Variants in KHDRBS2 observed in about 807,000 individuals in gnomAD.
The protein encoded by KHDRBS2 is KH RNA binding domain containing, signal transduction associated 2.
A neutral mutation model predicts 44.3 loss-of-function variants in KHDRBS2; 26 were observed. The observed-to-expected ratio is 0.59, with a 90% confidence interval of 0.43 to 0.81. The LOEUF (loss-of-function observed/expected upper bound fraction) is 0.81, where lower values mean the gene tolerates loss of function less well. Among genes scored for constraint, KHDRBS2 ranks in the 40% least tolerant of loss-of-function variants. The probability of loss-of-function intolerance (pLI) is 0.00; values close to 1 mark genes in which losing one functional copy is unlikely to be tolerated. For missense variants in KHDRBS2, 476 were observed against 433.1 expected (o/e 1.10, Z -0.88); for synonymous variants, 194 against 151.1 (o/e 1.28, Z -2.08).
At chr6:61,804,040 G>T (rs1441638050) in intron 6 of KHDRBS2, among the ~76,000 whole-genome samples, 1 of 151,778 alleles carries the variant, frequency 6.6e-6, no homozygotes, top group African/African-American at 2.4e-5. Context: ...CTTCCCAATA[G>T]CCCCCCAAAG....
intron 1 of KHDRBS2, among the ~76,000 whole-genome samples, chr6:62,180,671 T>A (rs1822083509): frequency 6.6e-6 from 1 of 151,708 alleles, no homozygotes; most frequent in African/African-American, 2.4e-5. Flanking sequence ...ATGACATTTT[T>A]TACAAAAATA....
intron 1 of KHDRBS2, among the ~76,000 whole-genome samples, chr6:62,198,721 C>T (rs770485745): frequency 3.4e-4 from 52 of 152,298 alleles, no homozygotes; most frequent in Non-Finnish European, 6.9e-4. Flanking sequence ...AGGGAATCCT[C>T]CCTAACTCAT....
chr6:62,200,450 G>A (rs1826706829), intron 1 of KHDRBS2, among the ~76,000 whole-genome samples: 1 of 152,144 alleles, frequency 6.6e-6, no homozygotes, highest in Admixed American at 6.6e-5. Flanking sequence ...CTTCTCAAAG[G>A]AAGACATTTA....
intron 2 of KHDRBS2, among the ~76,000 whole-genome samples, chr6:62,094,469 C>A (rs1800141200): frequency 6.6e-6 from 1 of 151,700 alleles, no homozygotes; most frequent in African/African-American, 2.4e-5. Flanking sequence ...CATATATATT[C>A]TCTCATTTTG....
intron 2 of KHDRBS2, among the ~76,000 whole-genome samples, chr6:62,135,088 G>A (rs1811214614): frequency 6.6e-6 from 1 of 152,142 alleles, no homozygotes; most frequent in African/African-American, 2.4e-5. Context: ...AGAATGATAT[G>A]GTTTGGCTGT....
chr6:62,097,722 T>A (rs558293692), intron 2 of KHDRBS2, among the ~76,000 whole-genome samples: 56 of 152,268 alleles, frequency 3.7e-4, no homozygotes, highest in African/African-American at 1.3e-3. Flanking sequence ...ATATTTAAGG[T>A]AATTACTGCT....
intron 2 of KHDRBS2, among the ~76,000 whole-genome samples, chr6:62,056,617 T>C (rs1562741724): frequency 6.6e-6 from 1 of 152,038 alleles, no homozygotes; most frequent in East Asian, 1.9e-4. Flanking sequence ...GTATTAAATA[T>C]TATGTAACTT....
chr6:61,781,992 C>T (rs1313678852), intron 6 of KHDRBS2, among the ~76,000 whole-genome samples: 1 of 151,988 alleles, frequency 6.6e-6, no homozygotes, highest in East Asian at 1.9e-4. Context: ...TGAGGAACTC[C>T]AGGTAGGGAA....
the KHDRBS2 span, among the ~76,000 whole-genome samples, chr6:61,574,116 G>A: frequency 3.9e-4 from 60 of 152,064 alleles, no homozygotes; most frequent in African/African-American, 1.4e-3. Flanking sequence ...TACTCCTACT[G>A]TTAACCCAAC....
chr6:61,834,776 T>C (rs1583073197), intron 6 of KHDRBS2, among the ~76,000 whole-genome samples: 1 of 151,684 alleles, frequency 6.6e-6, no homozygotes, highest in East Asian at 1.9e-4. Context: ...CATAGGAGTC[T>C]TTTGTAAAAT....
chr6:61,801,789 T>G (rs1004739420), intron 6 of KHDRBS2, among the ~76,000 whole-genome samples: 1 of 152,144 alleles, frequency 6.6e-6, no homozygotes, highest in Non-Finnish European at 1.5e-5. Flanking sequence ...GCCCTCAATA[T>G]TTCTGGCCAT....
At chr6:61,817,428 C>G (rs1246894522) in intron 6 of KHDRBS2, among the ~76,000 whole-genome samples, 2 of 151,996 alleles carry the variant, frequency 1.3e-5, no homozygotes, top group East Asian at 1.9e-4. Context: ...ATACTAAGCA[C>G]TATATAAAAA....
At chr6:62,074,627 G>C (rs554129539) in intron 2 of KHDRBS2, among the ~76,000 whole-genome samples, 1 of 151,602 alleles carries the variant, frequency 6.6e-6, no homozygotes, top group East Asian at 1.9e-4. Context: ...CTAGATCAAC[G>C]TTTCAAGAAC....
At chr6:62,109,938 TAGG>T (rs1804617752) in intron 2 of KHDRBS2, among the ~76,000 whole-genome samples, 1 of 151,876 alleles carries the variant, frequency 6.6e-6, no homozygotes, top group Non-Finnish European at 1.5e-5. Context: ...AAAGAAGACA[TAGG>T]AGGAAACTTT....
chr6:62,044,511 A>G (rs552741067), intron 3 of KHDRBS2, among the ~76,000 whole-genome samples: 2 of 152,182 alleles, frequency 1.3e-5, no homozygotes, highest in East Asian at 3.9e-4. Flanking sequence ...AAAAAGAAAA[A>G]GAAAGAAAAA....
At chr6:61,635,710 A>G in the KHDRBS2 span, among the ~76,000 whole-genome samples, 2 of 152,050 alleles carry the variant, frequency 1.3e-5, no homozygotes, top group Non-Finnish European at 2.9e-5. Context: ...TTCTTTACAT[A>G]CCTACTATCC....
chr6:62,260,145 T>C (rs1356471096), intron 1 of KHDRBS2, among the ~76,000 whole-genome samples: 1 of 152,010 alleles, frequency 6.6e-6, no homozygotes, highest in African/African-American at 2.4e-5. Flanking sequence ...AAGGTAATAC[T>C]AATATTTATC....
At chr6:62,121,090 G>T (rs1807525855) in intron 2 of KHDRBS2, among the ~76,000 whole-genome samples, 1 of 152,064 alleles carries the variant, frequency 6.6e-6, no homozygotes, top group Admixed American at 6.6e-5. Context: ...CTACTTAGTG[G>T]GTCCAGTCGG....
intron 2 of KHDRBS2, among the ~76,000 whole-genome samples, chr6:62,119,861 C>T (rs1807179380): frequency 6.6e-6 from 1 of 152,160 alleles, no homozygotes. Context: ...AGGAACTACC[C>T]CCAACACCCC....
Sources: allele counts gnomAD v4.1 joint callset (sites outside exome capture counted in the v4.1 genomes callset), GRCh38; gene constraint gnomAD v4.1.1; transcripts MANE v1.5; gene names NCBI Gene and HGNC (gene_info 2026-07-23, HGNC 2026-07-21).